Variants in CCNJL observed in about 807,000 individuals in gnomAD.
CCNJL encodes the protein cyclin-J-like protein.
A neutral mutation model predicts 33.4 loss-of-function variants in CCNJL; 33 were observed. That is an observed-to-expected ratio of 0.99 (90% CI 0.75 to 1.32). The LOEUF (loss-of-function observed/expected upper bound fraction) is 1.32. Among genes scored for constraint, CCNJL ranks in the 40% most tolerant of loss-of-function variants. The probability of loss-of-function intolerance (pLI) is 0.00; values close to 1 mark genes in which losing one functional copy is unlikely to be tolerated. For synonymous variants in CCNJL, 227 were observed against 220.9 expected (o/e 1.03, Z -0.24); for missense variants, 512 against 499.7 (o/e 1.02, Z -0.23).
At chr5:160,258,896 C>T (rs1761193905) in intron 4 of CCNJL, among the ~76,000 whole-genome samples, 2 of 152,132 alleles carry the variant, frequency 1.3e-5, no homozygotes, top group Admixed American at 1.3e-4. Context: ...AGGGTTTCCC[C>T]ATGTTGGCCA....
At chr5:160,266,553 T>C (rs754839545) in intron 3 of CCNJL, among the ~76,000 whole-genome samples, 38 of 152,102 alleles carry the variant, frequency 2.5e-4, no homozygotes, top group Non-Finnish European at 3.8e-4. Flanking sequence ...TCACTCCTGG[T>C]ATCATTTGTG....
At chr5:160,258,338 A>T in intron 4 of CCNJL, 1 of 765,854 alleles carries the variant, frequency 1.3e-6, no homozygotes, top group Middle Eastern at 3.4e-4. Flanking sequence ...GGATTCAATA[A>T]ACTGGGGTTA....
chr5:160,329,417 C>T (rs1763579559), intron 1 of CCNJL, among the ~76,000 whole-genome samples: 1 of 147,204 alleles, frequency 6.8e-6, no homozygotes, highest in Admixed American at 6.9e-5. Flanking sequence ...GCGGCATGAT[C>T]TCGGCTCACT....
chr5:160,302,198 G>A (rs1169770127), intron 2 of CCNJL, among the ~76,000 whole-genome samples: 1 of 152,196 alleles, frequency 6.6e-6, no homozygotes, highest in Non-Finnish European at 1.5e-5. Flanking sequence ...ACAATGAGAT[G>A]AGTTAGTGAA....
At chr5:160,267,948 A>G (rs1394736567) in intron 3 of CCNJL, among the ~76,000 whole-genome samples, 2 of 152,238 alleles carry the variant, frequency 1.3e-5, no homozygotes, top group East Asian at 1.9e-4. Flanking sequence ...AAAGAGCTAT[A>G]TGATCAACAG....
In CCNJL at chr5:160,289,766, C is replaced by T. The variant is rs572518264; in HGVS notation, c.67-9028G>A. ...TGCCTGGACAGGTCTCTGAAGATTC[C>T]AGGCATGTGTCTGGTCCTTGGCTGC... is the stretch of plus-strand genomic sequence containing the variant. On this transcript the variant is annotated intron_variant, in intron 2 of 5. Transcript: ENST00000257536. Among the ~76,000 whole-genome samples the T allele has an allele frequency of 1.9e-3, 295 of 152,306 alleles. 3 individuals carry two copies. Among genetic ancestry groups the T allele is most frequent in the African/African-American group, 6.7e-3 (277 of 41,570 alleles).
intron 2 of CCNJL, chr5:160,281,387 T>C (rs1020248909): frequency 1.3e-5 from 2 of 156,988 alleles, no homozygotes; most frequent in African/African-American, 4.8e-5. Context: ...CTTCTTTTTC[T>C]CTACATGCAT....
chr5:160,267,028 C>T (rs1761624277), intron 3 of CCNJL, among the ~76,000 whole-genome samples: 1 of 152,186 alleles, frequency 6.6e-6, no homozygotes, highest in Non-Finnish European at 1.5e-5. Flanking sequence ...CCAGGTAACC[C>T]AGTTGGGTTG....
intron 1 of CCNJL, among the ~76,000 whole-genome samples, chr5:160,331,103 T>C (rs1194072507): frequency 1.3e-5 from 2 of 152,182 alleles, no homozygotes; most frequent in Admixed American, 1.3e-4. Flanking sequence ...GGTCTCAGCG[T>C]CCAATAACTC....
At chr5:160,263,067 G>A (rs1362317145) in intron 3 of CCNJL, among the ~76,000 whole-genome samples, 1 of 152,208 alleles carries the variant, frequency 6.6e-6, no homozygotes, top group East Asian at 1.9e-4. Flanking sequence ...TTTCAAATCA[G>A]AGAAAAGATG....
intron 4 of CCNJL, among the ~76,000 whole-genome samples, 169 bp from the exon 5 acceptor site, chr5:160,255,877 T>G (rs1761043639): frequency 6.6e-6 from 1 of 152,170 alleles, no homozygotes; most frequent in African/African-American, 2.4e-5. Context: ...ATCTTAACCT[T>G]GGCTCTTGGT....
chr5:160,320,801 C>CTT (rs1166196324), intron 1 of CCNJL, among the ~76,000 whole-genome samples: 1 of 59,584 alleles, frequency 1.7e-5, no homozygotes, highest in Non-Finnish European at 3.8e-5. Context: ...TTCTTTCTTT[C>CTT]TTTCTTTCTT....
intron 2 of CCNJL, among the ~76,000 whole-genome samples, chr5:160,282,997 A>G (rs1211229415): frequency 1.7e-5 from 1 of 58,268 alleles, no homozygotes; most frequent in South Asian, 7.3e-4. Context: ...ATATATATAT[A>G]TATATATATA....
At chr5:160,316,847 A>G (rs1561811464), upstream of CCNJL, among the ~76,000 whole-genome samples, 2 of 152,214 alleles carry the variant, frequency 1.3e-5, no homozygotes, top group Non-Finnish European at 2.9e-5. Flanking sequence ...ATGTCCATAC[A>G]TTTCTAGCCT....
At chr5:160,312,231 T>G (rs1277560017) in intron 1 of CCNJL, 133 bp downstream of exon 1, 1 of 478,028 alleles carries the variant, frequency 2.1e-6, no homozygotes, top group Non-Finnish European at 3.8e-6. Context: ...GCAGAGAAAG[T>G]TGTCAACTCC....
At chr5:160,291,713 A>G (rs1263037819) in intron 2 of CCNJL, among the ~76,000 whole-genome samples, 2 of 152,250 alleles carry the variant, frequency 1.3e-5, no homozygotes, top group African/African-American at 4.8e-5. Flanking sequence ...GCCGAGATTA[A>G]GAACCACAGC....
intron 2 of CCNJL, among the ~76,000 whole-genome samples, chr5:160,290,632 A>G (rs369931421): frequency 2.0e-5 from 3 of 152,244 alleles, no homozygotes; most frequent in East Asian, 1.9e-4. Flanking sequence ...CCAAGCACCT[A>G]GGACTTTTTA....
At chr5:160,316,663 T>C (rs928716764), upstream of CCNJL, among the ~76,000 whole-genome samples, 2 of 152,232 alleles carry the variant, frequency 1.3e-5, no homozygotes, top group Non-Finnish European at 2.9e-5. Flanking sequence ...CATTCACCAG[T>C]GTAGACATTC....
chr5:160,282,966 A>AATATATATATACATATAT (rs1554120708), intron 2 of CCNJL, among the ~76,000 whole-genome samples: 4 of 43,382 alleles, frequency 9.2e-5, no homozygotes, highest in Non-Finnish European at 1.9e-4. Flanking sequence ...CAGTCCTTGG[A>AATATATATATACATATAT]ATATATATAT....
Sources: gnomAD v4.1 joint callset for allele counts (sites outside exome capture counted in the v4.1 genomes callset) on GRCh38, gnomAD v4.1.1 for gene constraint, MANE v1.5 for transcripts, NCBI Gene and HGNC (gene_info 2026-07-23, HGNC 2026-07-21) for gene names.